Variants in DENND1A observed in about 807,000 individuals in gnomAD.
DENND1A encodes DENN domain containing 1A.
DENND1A carries 51 observed loss-of-function variants against 113.7 expected under a neutral mutation model. The ratio of observed to expected loss-of-function variants is 0.45; its 90% confidence interval spans 0.36 to 0.57. The LOEUF (loss-of-function observed/expected upper bound fraction) is 0.57. Ranked by LOEUF, DENND1A falls within the 20% of genes least tolerant of loss-of-function variation. The pLI is 0.00. For synonymous variants in DENND1A, 565 were observed against 570.8 expected, an observed-to-expected ratio of 0.99 and a Z score of 0.14; for missense variants, 1,258 against 1,395.9, an observed-to-expected ratio of 0.90 and a Z score of 1.57.
At position 123,858,550 on chromosome 9, in the gene DENND1A, G is replaced by A. The variant is rs1444486593; in HGVS notation, c.88+20401C>T. 3.3e-5 allele frequency among the ~76,000 whole-genome samples: 5 copies of A among 152,062 alleles called. No individual in the cohort carries two copies. The South Asian group carries it at 1.0e-3, about 32-fold the overall frequency. On this transcript the variant is annotated intron_variant, in intron 2 of 23. Coordinates refer to ENST00000394215, the MANE Select transcript of DENND1A (RefSeq NM_001352964.2). ...GAAGGAACAGTTTAGGATTAGGATCGGCGTTTCCATTTTGTTTTGCTAGGT... is the reference window on the plus strand; with the variant it reads ...GAAGGAACAGTTTAGGATTAGGATCAGCGTTTCCATTTTGTTTTGCTAGGT...
chr9:123,503,807 C>T (rs2052690390), intron 13 of DENND1A, among the ~76,000 whole-genome samples: 1 of 152,196 alleles, frequency 6.6e-6, no homozygotes, highest in Admixed American at 6.5e-5. Flanking sequence ...AACAGGTCTT[C>T]TGCCTCAGGA....
chr9:123,557,554 T>G lies in DENND1A; in HGVS notation c.993+16A>C. The G allele has an allele frequency of 6.2e-7, 1 of 1,613,192 alleles. No individual in the cohort carries two copies. The highest frequency in any genetic ancestry group is 2.2e-5 in the East Asian group (1 of 44,876). ...CTGACCAAACACAGGCTCTGTGACA[T>G]GCCAAGGCTACTCACCGGCTCGATT... On this transcript the variant is annotated intron_variant, in intron 13 of 23. Transcript: ENST00000394215.
chr9:123,495,141 T>TCTCTCTCTCTCTC (rs2051763656), intron 13 of DENND1A, among the ~76,000 whole-genome samples: 5 of 140,640 alleles, frequency 3.6e-5, no homozygotes, highest in Admixed American at 1.4e-4. Context: ...CATTGTCTCT[T>TCTCTCTCTCTCTC]TCTCTCTCTC....
At chr9:123,889,573 C>A (rs955008334) in intron 1 of DENND1A, among the ~76,000 whole-genome samples, 1 of 152,012 alleles carries the variant, frequency 6.6e-6, no homozygotes, top group African/African-American at 2.4e-5. Flanking sequence ...ATTTTAAGAA[C>A]AAGGGATGGA....
Position 123,381,702 on chromosome 9 carries a change from C to A in DENND1A, c.2943G>T (p.Arg981Ser), listed in dbSNP as rs370911229. 2 of 1,553,262 alleles carry A rather than the reference C, an allele frequency of 1.3e-6. No homozygotes were observed. The highest frequency in any genetic ancestry group is 1.7e-6 in the Non-Finnish European group (2 of 1,149,246). ...PLGPPAVAPS[R>S]IRTLPLARSS... ...AGCGGGCCAGGGGCAACGTTCGGAT[C>A]CTCGACGGGGCAACTGCTGGGGGAC... The change falls in exon 24 of 24, where the codon AGG becomes AGT. Residue 981 changes from arginine to serine, a missense_variant. Arg to Ser is a moderately radical substitution (Grantham distance 110, BLOSUM62 -1). Around this residue, in one of 2 missense-constraint regions of DENND1A, gnomAD observed 1,159 missense variants for 1,231.7 expected, o/e 0.94. Coordinates refer to ENST00000394215, the MANE Select transcript of DENND1A (RefSeq NM_001352964.2). This position sits in a 1 kb window ranked among gnomAD's most constrained non-coding sequence, Gnocchi z 4.7.
chr9:123,506,592 A>AAAAG (rs1297340094), intron 13 of DENND1A, among the ~76,000 whole-genome samples: 1 of 151,060 alleles, frequency 6.6e-6, no homozygotes, highest in Non-Finnish European at 1.5e-5. Flanking sequence ...AAAAAAAAAA[A>AAAAG]AAAAAAAAAA....
intron 1 of DENND1A, among the ~76,000 whole-genome samples, chr9:123,899,352 T>A (rs985498045): frequency 6.6e-6 from 1 of 152,194 alleles, no homozygotes; most frequent in Non-Finnish European, 1.5e-5. Context: ...CTTGATATCA[T>A]CACCTTTCAT....
At chr9:123,766,239 C>T (rs555222110) in intron 4 of DENND1A, among the ~76,000 whole-genome samples, 1 of 152,216 alleles carries the variant, frequency 6.6e-6, no homozygotes, top group Non-Finnish European at 1.5e-5. Flanking sequence ...AAGTCTCCCC[C>T]ACCATAAGAA....
At chr9:123,423,556 G>A (rs371265518) in intron 19 of DENND1A, among the ~76,000 whole-genome samples, 6 of 152,266 alleles carry the variant, frequency 3.9e-5, no homozygotes, top group East Asian at 3.9e-4. Context: ...CCCTCCCTTC[G>A]GCGGTCATTT....
At chr9:123,922,322 T>C (rs983071956) in intron 1 of DENND1A, among the ~76,000 whole-genome samples, 3 of 152,206 alleles carry the variant, frequency 2.0e-5, no homozygotes, top group Non-Finnish European at 4.4e-5. Flanking sequence ...CACAATCCAG[T>C]GGCCTCCCAT....
intron 13 of DENND1A, among the ~76,000 whole-genome samples, chr9:123,526,319 C>T (rs148337768): frequency 8.9e-4 from 136 of 152,334 alleles, no homozygotes; most frequent in African/African-American, 2.9e-3. Flanking sequence ...CTCAGTCCCA[C>T]GGCCAATCCA....
At chr9:123,662,963 A>T (rs1476018875) in intron 8 of DENND1A, among the ~76,000 whole-genome samples, 3 of 152,230 alleles carry the variant, frequency 2.0e-5, no homozygotes, top group Non-Finnish European at 4.4e-5. Flanking sequence ...GTAACAGAAA[A>T]AAAATAAGAT....
At chr9:123,627,203 C>T (rs1470242868) in intron 10 of DENND1A, among the ~76,000 whole-genome samples, 2 of 152,210 alleles carry the variant, frequency 1.3e-5, no homozygotes. Context: ...GCAGTATCTT[C>T]CAGACAAGGA....
At chr9:123,713,353 G>A (rs1042905819) in intron 5 of DENND1A, among the ~76,000 whole-genome samples, 6 of 152,296 alleles carry the variant, frequency 3.9e-5, no homozygotes, top group Admixed American at 6.5e-5. Context: ...AAGGAATCTC[G>A]ATCCTTCAAA....
chr9:123,873,561 T>C (rs1846980574), intron 2 of DENND1A, among the ~76,000 whole-genome samples: 1 of 152,238 alleles, frequency 6.6e-6, no homozygotes, highest in African/African-American at 2.4e-5. Context: ...CTGATCACTT[T>C]ATAAAATGTT....
intron 2 of DENND1A, among the ~76,000 whole-genome samples, chr9:123,806,490 C>A (rs1835596890): frequency 6.6e-6 from 1 of 152,172 alleles, no homozygotes; most frequent in Non-Finnish European, 1.5e-5. Flanking sequence ...CTCCTGACCT[C>A]AGGTGATCTG....
At chr9:123,582,510 C>T (rs2058955200) in intron 12 of DENND1A, among the ~76,000 whole-genome samples, 1 of 151,970 alleles carries the variant, frequency 6.6e-6, no homozygotes, top group African/African-American at 2.4e-5. Context: ...AGCAATTCTC[C>T]TGCCTCAGCC....
intron 2 of DENND1A, among the ~76,000 whole-genome samples, chr9:123,850,917 AAAAG>A (rs1843250820): frequency 6.6e-6 from 1 of 152,228 alleles, no homozygotes; most frequent in African/African-American, 2.4e-5. Flanking sequence ...TAAATAATCC[AAAAG>A]AAAGGAATAA....
At chr9:123,398,382 CTTTTT>C (rs745923296) in intron 21 of DENND1A, among the ~76,000 whole-genome samples, 1 of 150,548 alleles carries the variant, frequency 6.6e-6, no homozygotes. Flanking sequence ...TTTTCTTTTT[CTTTTT>C]TATTTGAGAC....
Sources: allele counts gnomAD v4.1 joint callset (sites outside exome capture counted in the v4.1 genomes callset), GRCh38; gene constraint gnomAD v4.1.1; regional missense constraint gnomAD v4.1.1; non-coding constraint Gnocchi (gnomAD v3.1); transcripts MANE v1.5; gene names NCBI Gene and HGNC (gene_info 2026-07-23, HGNC 2026-07-21).